NRXN1: variants seen among roughly 807,000 people sequenced by gnomAD.
NRXN1 encodes neurexin-1.
NRXN1 carries 39 observed loss-of-function variants against 150.9 expected under a neutral mutation model. The observed-to-expected ratio is 0.26, with a 90% CI of 0.20 to 0.34. The LOEUF (loss-of-function observed/expected upper bound fraction) is 0.34. Ranked by LOEUF, NRXN1 falls within the 10% of genes least tolerant of loss-of-function variation. The pLI, the probability that NRXN1 is intolerant of heterozygous loss-of-function variation, is 1.00. For missense variants in NRXN1, 1,815 were observed against 1,949.9 expected, an observed-to-expected ratio of 0.93 and a Z score of 1.30; for synonymous variants, 924 against 757.0, an observed-to-expected ratio of 1.22 and a Z score of -3.62.
At position 50,791,146 on chromosome 2, in the gene NRXN1, A is replaced by C. The variant is rs542331071; in HGVS notation, c.832+130723T>G. ...AAATGTTTTTTTTTTTTAAAAAAAA[A>C]GACTGTCAAAAGTAACACATGTAAC... On this transcript the variant is annotated intron_variant, in intron 5 of 22. Coordinates refer to ENST00000401669, the MANE Select transcript of NRXN1 (RefSeq NM_001330078.2). 5.3e-4 allele frequency among the ~76,000 whole-genome samples: 80 copies of C among 151,434 alleles called. 7 individuals carry two copies. The highest frequency in any genetic ancestry group is 4.9e-3 in the East Asian group (25 of 5,130).
At chr2:50,724,888 G>A (rs1411357579) in intron 5 of NRXN1, among the ~76,000 whole-genome samples, 1 of 151,258 alleles carries the variant, frequency 6.6e-6, no homozygotes, top group Non-Finnish European at 1.5e-5. Context: ...AATAAATCTT[G>A]CTGCTGCTCA....
intron 5 of NRXN1, among the ~76,000 whole-genome samples, chr2:50,655,082 T>C (rs955526465): frequency 6.6e-6 from 1 of 151,930 alleles, no homozygotes; most frequent in Non-Finnish European, 1.5e-5. Context: ...TTTTCCAATA[T>C]GCAGTTATGT....
intron 18 of NRXN1, among the ~76,000 whole-genome samples, chr2:50,185,046 G>A (rs1159009770): frequency 6.6e-6 from 1 of 152,050 alleles, no homozygotes; most frequent in Non-Finnish European, 1.5e-5. Flanking sequence ...GTGTGACCTT[G>A]GAGGAGACAT....
intron 21 of NRXN1, among the ~76,000 whole-genome samples, chr2:49,962,228 A>G (rs983212816): frequency 6.6e-6 from 1 of 152,222 alleles, no homozygotes; most frequent in South Asian, 2.1e-4. Flanking sequence ...TTCGGGAACC[A>G]TCCTGAGTTC....
intron 21 of NRXN1, among the ~76,000 whole-genome samples, chr2:50,047,045 G>C (rs1300409295): frequency 6.6e-6 from 1 of 152,076 alleles, no homozygotes; most frequent in East Asian, 1.9e-4. Flanking sequence ...TTAAGGAAGG[G>C]AACAATATGA....
At chr2:50,846,634 T>C (rs1403767551) in intron 5 of NRXN1, among the ~76,000 whole-genome samples, 3 of 152,214 alleles carry the variant, frequency 2.0e-5, no homozygotes, top group Non-Finnish European at 4.4e-5. Flanking sequence ...AAAAATATTT[T>C]CTGGGAGCAG....
At chr2:50,992,783 T>C (rs1039535065) in intron 2 of NRXN1, among the ~76,000 whole-genome samples, 1 of 151,924 alleles carries the variant, frequency 6.6e-6, no homozygotes, top group Non-Finnish European at 1.5e-5. Flanking sequence ...GTTTCTTTAG[T>C]GATGCATGGG....
At chr2:50,683,373 C>T (rs953397243) in intron 5 of NRXN1, among the ~76,000 whole-genome samples, 3 of 151,130 alleles carry the variant, frequency 2.0e-5, no homozygotes, top group Non-Finnish European at 4.4e-5. Context: ...TGGCTTAAGC[C>T]TGTAATTCCA....
intron 18 of NRXN1, among the ~76,000 whole-genome samples, chr2:50,203,580 T>G (rs2062345311): frequency 6.6e-6 from 1 of 152,142 alleles, no homozygotes. Context: ...ATACATACAT[T>G]TCTATCTAGA....
At chr2:50,240,515 A>C (rs1257039823) in intron 17 of NRXN1, among the ~76,000 whole-genome samples, 2 of 151,724 alleles carry the variant, frequency 1.3e-5, no homozygotes, top group Admixed American at 6.6e-5. Flanking sequence ...AATTACTCTC[A>C]TAATCAAATA....
intron 5 of NRXN1, among the ~76,000 whole-genome samples, chr2:50,720,887 C>T (rs79892926): frequency 0.013 from 1,991 of 152,284 alleles, 57 homozygotes; most frequent in African/African-American, 0.046. Flanking sequence ...AGATGAACAG[C>T]TTGTCACTCC....
intron 8 of NRXN1, among the ~76,000 whole-genome samples, chr2:50,576,194 C>A (rs1193156683): frequency 6.6e-6 from 1 of 152,100 alleles, no homozygotes; most frequent in Non-Finnish European, 1.5e-5. Flanking sequence ...ATAGTTAAAG[C>A]TGCAGCAGTG....
intron 21 of NRXN1, among the ~76,000 whole-genome samples, chr2:49,948,126 A>C (rs942555912): frequency 6.6e-6 from 1 of 152,052 alleles, no homozygotes; most frequent in African/African-American, 2.4e-5. Flanking sequence ...GCAAACATCA[A>C]ATATAAACTT....
intron 5 of NRXN1, among the ~76,000 whole-genome samples, chr2:50,639,528 T>A (rs749633054): frequency 1.1e-4 from 16 of 152,004 alleles, no homozygotes; most frequent in Non-Finnish European, 2.2e-4. Context: ...GACACTTTTC[T>A]GCATTTTTAA....
At chr2:50,100,432 G>C (rs1332663774) in intron 18 of NRXN1, among the ~76,000 whole-genome samples, 6 of 152,048 alleles carry the variant, frequency 3.9e-5, no homozygotes, top group Admixed American at 3.9e-4. Context: ...TCAAAACAAT[G>C]TCAAGATGAA....
chr2:50,708,539 A>C (rs1694742390), intron 5 of NRXN1, among the ~76,000 whole-genome samples: 1 of 152,174 alleles, frequency 6.6e-6, no homozygotes, highest in African/African-American at 2.4e-5. Flanking sequence ...CAAGCTGCAC[A>C]GTTTAAGAGA....
intron 5 of NRXN1, among the ~76,000 whole-genome samples, chr2:50,867,061 C>G (rs1165058652): frequency 6.6e-6 from 1 of 151,870 alleles, no homozygotes; most frequent in African/African-American, 2.4e-5. Context: ...ATATAGTTTT[C>G]TAAGGAAGTT....
intron 5 of NRXN1, chr2:50,637,515 G>C (rs1683403585): frequency 6.6e-6 from 1 of 152,246 alleles, no homozygotes; most frequent in South Asian, 2.1e-4. Context: ...AAGACTTGAG[G>C]TAACTCACAG....
intron 17 of NRXN1, among the ~76,000 whole-genome samples, chr2:50,357,121 T>C (rs2078871572): frequency 6.6e-6 from 1 of 151,678 alleles, no homozygotes; most frequent in African/African-American, 2.4e-5. Flanking sequence ...TACAAAAAAT[T>C]TAAAAAAATT....
Sources: gnomAD v4.1 joint callset for allele counts (sites outside exome capture counted in the v4.1 genomes callset) on GRCh38, gnomAD v4.1.1 for gene constraint, MANE v1.5 for transcripts, NCBI Gene and HGNC (gene_info 2026-07-23, HGNC 2026-07-21) for gene names.